Variants in GAP43 observed in about 807,000 individuals in gnomAD.
GAP43 encodes neuromodulin.
A neutral mutation model predicts 18.6 loss-of-function variants in GAP43; 6 were observed. The ratio of observed to expected loss-of-function variants is 0.32; its 90% CI spans 0.18 to 0.64. The LOEUF is 0.64. Ranked by LOEUF, GAP43 falls within the 30% of genes least tolerant of loss-of-function variation. The pLI, the probability that GAP43 is intolerant of heterozygous loss-of-function variation, is 0.78. For missense variants in GAP43, 292 were observed against 295.5 expected, an observed-to-expected ratio of 0.99 and a Z score of 0.09; for synonymous variants, 115 against 111.4, an observed-to-expected ratio of 1.03 and a Z score of -0.20.
At chr3:115,717,133 T>C (rs1339912145) in intron 2 of GAP43, among the ~76,000 whole-genome samples, 1 of 152,062 alleles carries the variant, frequency 6.6e-6, no homozygotes, top group Non-Finnish European at 1.5e-5. Flanking sequence ...GTCCAGTCAT[T>C]CCTTCACTCA....
chr3:115,699,730 G>C (rs1285396290), intron 2 of GAP43, among the ~76,000 whole-genome samples: 2 of 152,162 alleles, frequency 1.3e-5, no homozygotes, highest in Non-Finnish European at 2.9e-5. Context: ...GATCTGGTTT[G>C]CTCTTTCTTC....
intron 1 of GAP43, among the ~76,000 whole-genome samples, chr3:115,650,043 A>G (rs987863446): frequency 9.2e-5 from 14 of 152,180 alleles, no homozygotes; most frequent in African/African-American, 3.4e-4. Flanking sequence ...GAAGGTTTTT[A>G]AAATGATCTC....
intron 2 of GAP43, among the ~76,000 whole-genome samples, chr3:115,692,995 GT>G (rs1709133152): frequency 6.6e-6 from 1 of 152,210 alleles, no homozygotes; most frequent in Non-Finnish European, 1.5e-5. Flanking sequence ...CTGCTATGCA[GT>G]TTGCCTGGGG....
At chr3:115,627,133 C>CTTTTTTTTTTT (rs5851968) in intron 1 of GAP43, among the ~76,000 whole-genome samples, 1 of 122,714 alleles carries the variant, frequency 8.1e-6, no homozygotes, top group African/African-American at 3.1e-5. Context: ...TTTTTTCTTT[C>CTTTTTTTTTTT]TTTTTTTTTT....
chr3:115,627,805 AT>A (rs1262325536), intron 1 of GAP43, among the ~76,000 whole-genome samples: 2 of 152,124 alleles, frequency 1.3e-5, no homozygotes, highest in Non-Finnish European at 2.9e-5. Context: ...TCCCTTTTCA[AT>A]TTGTGAAGTG....
At chr3:115,683,584 A>G (rs1350839888) in intron 2 of GAP43, among the ~76,000 whole-genome samples, 1 of 120,858 alleles carries the variant, frequency 8.3e-6, no homozygotes, top group Admixed American at 9.6e-5. Flanking sequence ...GCCTATAGAC[A>G]GCCATAATTT....
chr3:115,670,611 A>G (rs1462110714), intron 1 of GAP43, among the ~76,000 whole-genome samples: 1 of 152,214 alleles, frequency 6.6e-6, no homozygotes, highest in African/African-American at 2.4e-5. Context: ...CATTTTCCCT[A>G]AAGTCAATTG....
chr3:115,661,690 G>GT (rs1708660823), intron 1 of GAP43, among the ~76,000 whole-genome samples: 1 of 151,918 alleles, frequency 6.6e-6, no homozygotes. Context: ...GGGTTTCACT[G>GT]TGTTAGCCAG....
chr3:115,656,450 C>T (rs548452749), intron 1 of GAP43, among the ~76,000 whole-genome samples: 6 of 152,234 alleles, frequency 3.9e-5, no homozygotes, highest in Non-Finnish European at 7.4e-5. Flanking sequence ...CCTCGACCAG[C>T]ATCTCTGAAA....
intron 2 of GAP43, among the ~76,000 whole-genome samples, chr3:115,699,478 C>T (rs1483691232): frequency 6.6e-6 from 1 of 152,196 alleles, no homozygotes; most frequent in Admixed American, 6.5e-5. Flanking sequence ...TGTCTAGACA[C>T]TCTGAGAGAG....
chr3:115,640,864 G>A (rs1708385258), intron 1 of GAP43, among the ~76,000 whole-genome samples: 1 of 151,718 alleles, frequency 6.6e-6, no homozygotes, highest in South Asian at 2.1e-4. Flanking sequence ...AATAAAACTG[G>A]TACTATTTTC....
At chr3:115,697,498 GC>G (rs1348338811) in intron 2 of GAP43, among the ~76,000 whole-genome samples, 3 of 152,186 alleles carry the variant, frequency 2.0e-5, no homozygotes, top group African/African-American at 7.2e-5. Context: ...CCGCTGGACA[GC>G]AACTATAACT....
chr3:115,691,665 A>G (rs1576995766), intron 2 of GAP43, among the ~76,000 whole-genome samples: 1 of 152,216 alleles, frequency 6.6e-6, no homozygotes, highest in African/African-American at 2.4e-5. Context: ...ATGGCCAGCA[A>G]GAGAGACACA....
chr3:115,677,456 G>T (rs1278729194), intron 2 of GAP43, among the ~76,000 whole-genome samples: 5 of 152,134 alleles, frequency 3.3e-5, no homozygotes, highest in African/African-American at 4.8e-5. Context: ...CTGCTCAATT[G>T]TGCAGAATTG....
rs1296364997 is a variant in GAP43 at position 115,693,614 on chromosome 3, T to C, written c.628+17004T>C. Among the ~76,000 whole-genome samples, 3 of 152,174 alleles carry C rather than the reference T, an allele frequency of 2.0e-5. No homozygotes were observed. The East Asian group carries it at 5.8e-4, about 29-fold the overall frequency. On this transcript the variant is annotated intron_variant, in intron 2 of 2. Coordinates refer to ENST00000305124, the MANE Select transcript of GAP43 (RefSeq NM_002045.4). Reference sequence around the variant, plus strand: ...TAAATTCAATTTAGAGTGTCTACTCTGGTGTGCCTTTGGTACCCTGCTCAG... The same window carrying C: ...TAAATTCAATTTAGAGTGTCTACTCCGGTGTGCCTTTGGTACCCTGCTCAG...
chr3:115,647,842 T>C (rs1708476060), intron 1 of GAP43, among the ~76,000 whole-genome samples: 2 of 151,456 alleles, frequency 1.3e-5, no homozygotes, highest in South Asian at 4.2e-4. Context: ...GTAAAAAGCA[T>C]TTATGGCACC....
chr3:115,721,072 A>G lies in GAP43; in HGVS notation c.*190A>G. ...TAAAAAAAAAAAAAAAAAGCAGGAA[A>G]GATCCCAAGTCAAACAGTGTGGCTT... is the stretch of plus-strand genomic sequence containing the variant. On this transcript the variant is annotated 3_prime_UTR_variant, in exon 3 of 3. Coordinates refer to ENST00000305124, the MANE Select transcript of GAP43 (RefSeq NM_002045.4). 2.9e-6 allele frequency: 1 copy of G among 345,188 alleles called. No homozygotes were observed. Among genetic ancestry groups the G allele is most frequent in the Non-Finnish European group, 5.3e-6 (1 of 187,780 alleles). 21.4% of individuals were successfully genotyped at this position (345,188 alleles called of 1,614,324 possible).
intron 1 of GAP43, among the ~76,000 whole-genome samples, chr3:115,648,942 G>A (rs773396617): frequency 4.9e-4 from 74 of 152,106 alleles, no homozygotes; most frequent in Non-Finnish European, 2.1e-4. Flanking sequence ...GATAATCTCT[G>A]AGTGGGTAGT....
chr3:115,626,244 A>C (rs1708186375), intron 1 of GAP43, among the ~76,000 whole-genome samples: 2 of 152,198 alleles, frequency 1.3e-5, no homozygotes, highest in African/African-American at 4.8e-5. Context: ...GGAATAAAAC[A>C]AGGGCAAAAA....
Sources: gnomAD v4.1 joint callset for allele counts (sites outside exome capture counted in the v4.1 genomes callset) on GRCh38, gnomAD v4.1.1 for gene constraint, MANE v1.5 for transcripts, NCBI Gene and HGNC (gene_info 2026-07-23, HGNC 2026-07-21) for gene names.